CEL: variants seen among roughly 807,000 people sequenced by gnomAD.
CEL encodes the protein bile salt-activated lipase.
CEL carries 39 observed loss-of-function variants against 57.1 expected under a neutral mutation model. The observed-to-expected ratio is 0.68, with a 90% CI of 0.53 to 0.89. CEL has a LOEUF of 0.89. Ranked by LOEUF, CEL falls within the 40% of genes least tolerant of loss-of-function variation. CEL has a pLI of 0.00. For missense variants in CEL, 698 were observed against 915.0 expected (o/e 0.76, Z 3.06); for synonymous variants, 314 against 396.6 (o/e 0.79, Z 2.48).
In CEL at chr9:133,068,709, T is replaced by C. The variant is rs1830219037; in HGVS notation, c.933T>C (p.Ile311=). 3 of 1,608,754 alleles carry C rather than the reference T, an allele frequency of 1.9e-6. No homozygotes were observed. The highest frequency in any genetic ancestry group is 2.5e-6 in the Non-Finnish European group (3 of 1,178,346). Reference sequence around the variant, plus strand: ...ACTATGTGGGCTTCGTCCCTGTCATTGATGGAGACTTCATCCCCGCTGACC... The same window carrying C: ...ACTATGTGGGCTTCGTCCCTGTCATCGATGGAGACTTCATCCCCGCTGACC... ...MLHYVGFVPV[I]DGDFIPADPI... Residue 311 remains isoleucine (I), a synonymous_variant, in exon 8 of 11, where the codon ATT becomes ATC. Coordinates refer to ENST00000372080, the MANE Select transcript of CEL (RefSeq NM_001807.6).
intron 2 of CEL, 42 bp from the exon 3 acceptor site, chr9:133,064,598 G>A (rs1830144450): frequency 3.7e-6 from 6 of 1,613,682 alleles, no homozygotes; most frequent in Non-Finnish European, 5.1e-6. Flanking sequence ...CGGGGCGGGT[G>A]AGGGCGGCTG....
chr9:133,067,431 T>C (rs890004038), intron 7 of CEL, among the ~76,000 whole-genome samples: 44 of 152,058 alleles, frequency 2.9e-4, no homozygotes, highest in African/African-American at 8.9e-4. Flanking sequence ...TGGAGTGCAG[T>C]GTCACGATCT....
chr9:133,066,174 G>A lies in CEL; in HGVS notation c.539-356G>A, dbSNP rs985273275. Among the ~76,000 whole-genome samples the A allele has an allele frequency of 2.6e-5, 4 of 152,136 alleles. No individual in the cohort carries two copies. The highest frequency in any genetic ancestry group is 9.7e-5 in the African/African-American group (4 of 41,416). Reference sequence around the variant, plus strand: ...CAGGACACAGACAGGAGGGACTGGGGCAGGGGCAGGAGAGGTGCATGGGCC... The same window carrying A: ...CAGGACACAGACAGGAGGGACTGGGACAGGGGCAGGAGAGGTGCATGGGCC... On this transcript the variant is annotated intron_variant, in intron 4 of 10. Transcript: ENST00000372080. This position sits in a 1 kb window ranked among gnomAD's most constrained non-coding sequence, Gnocchi z 4.3.
chr9:133,065,224 C>G lies in CEL; in HGVS notation c.525C>G (p.Asp175Glu). Residue 175 changes from aspartate (D) to glutamate (E), a missense_variant, in exon 4 of 11, where the codon GAC becomes GAG. Physicochemically the swap from Asp to Glu is conservative, Grantham distance 45. Transcript: ENST00000372080. ...VGPLGFLSTG[D>E]ANLPGNYGLR... is the part of the protein sequence containing the mutation. ...CCCTTGGGTTCCTCAGCACTGGGGA[C>G]GCCAATCTGCCAGGTGCGTGGGTGC... 1.9e-6 allele frequency: 3 copies of G among 1,613,160 alleles called. No individual in the cohort carries two copies. The highest frequency in any genetic ancestry group is 1.7e-6 in the Non-Finnish European group (2 of 1,179,992).
At chr9:133,067,341 C>A in intron 7 of CEL, 136 bp downstream of exon 7, 1 of 787,098 alleles carries the variant, frequency 1.3e-6, no homozygotes, top group Non-Finnish European at 2.2e-6. Flanking sequence ...TGGTGTCTCC[C>A]CTCGAAGGCC....
intron 4 of CEL, among the ~76,000 whole-genome samples, chr9:133,065,585 C>A (rs1207746364): frequency 6.6e-6 from 1 of 151,924 alleles, no homozygotes; most frequent in Non-Finnish European, 1.5e-5. Flanking sequence ...GGCGGCTCAC[C>A]CCTGTAATCC....
chr9:133,069,471 C>G (rs910378569), intron 9 of CEL, among the ~76,000 whole-genome samples: 25 of 148,302 alleles, frequency 1.7e-4, no homozygotes, highest in Non-Finnish European at 3.0e-4. Flanking sequence ...CTTTACAAAC[C>G]CTATGATCCT....
At chr9:133,069,746 G>T (rs1830234194) in intron 9 of CEL, among the ~76,000 whole-genome samples, 1 of 152,120 alleles carries the variant, frequency 6.6e-6, no homozygotes, top group Non-Finnish European at 1.5e-5. Flanking sequence ...CAAGGTGGGA[G>T]GATCACTTGA....
intron 4 of CEL, among the ~76,000 whole-genome samples, chr9:133,065,582 C>T (rs1489247459): frequency 2.0e-5 from 3 of 152,102 alleles, no homozygotes; most frequent in Non-Finnish European, 4.4e-5. Context: ...CGCGGCGGCT[C>T]ACCCCTGTAA....
intron 7 of CEL, among the ~76,000 whole-genome samples, chr9:133,067,972 A>T (rs1440133640): frequency 6.6e-6 from 1 of 152,224 alleles, no homozygotes; most frequent in Non-Finnish European, 1.5e-5. Context: ...CAGCCTTACC[A>T]GCTTGCTACG....
rs13283110 is a variant in CEL, at chr9:133,071,139, A to G, written c.1637A>G (p.Tyr546Cys). 4.4e-6 allele frequency: 7 copies of G among 1,608,662 alleles called. No homozygotes were observed. The Admixed American group carries it at 8.3e-5, about 19-fold the overall frequency. ...TNFLRYWTLT[Y>C]LALPTVTDQE... ...TTCCTGCGCTACTGGACCCTCACCTATCTGGCGCTGCCCACAGTGACCGAC... is the reference window on the plus strand; with the variant it reads ...TTCCTGCGCTACTGGACCCTCACCTGTCTGGCGCTGCCCACAGTGACCGAC... Residue 546 changes from tyrosine to cysteine, a missense_variant, in exon 11 of 11, where the codon TAT becomes TGT. Coordinates refer to ENST00000372080, the MANE Select transcript of CEL (RefSeq NM_001807.6).
rs181647661 is a variant in CEL, at chr9:133,064,900, G to T, written c.340+138G>T. 98 of 1,538,862 alleles carry T rather than the reference G, an allele frequency of 6.4e-5. 1 individual carries two copies. In the South Asian group the frequency reaches 1.1e-3, roughly 17 times the overall value. On this transcript the variant is annotated intron_variant, in intron 3 of 10. Coordinates refer to ENST00000372080, the MANE Select transcript of CEL (RefSeq NM_001807.6). ...GGCGGGGAGGGGAGCGCCCACTGCC[G>T]TTGCCCAGCCTGGGGCAGGGCAGCG... is the stretch of plus-strand genomic sequence containing the variant.
At chr9:133,063,710 A>G (rs1830128664) in intron 1 of CEL, among the ~76,000 whole-genome samples, 1 of 151,762 alleles carries the variant, frequency 6.6e-6, no homozygotes. Flanking sequence ...ATGAGCACCA[A>G]CCTCCAGGCC....
At position 133,064,585 on chromosome 9, in the gene CEL, C is replaced by T. The variant is rs12351505; in HGVS notation, c.217+31C>T. The T allele has an allele frequency of 1.3e-4, 203 of 1,613,930 alleles. 1 individual carries two copies. In the African/African-American group the frequency reaches 1.7e-3, roughly 14 times the overall value. ...AGTGGGTGGTGCCGGACTGGCCCTG[C>T]GGCGGGGCGGGTGAGGGCGGCTGCC... On this transcript the variant is annotated intron_variant, in intron 2 of 10. Coordinates refer to ENST00000372080, the MANE Select transcript of CEL (RefSeq NM_001807.6).
At chr9:133,063,216 C>T (rs1168848049) in intron 1 of CEL, among the ~76,000 whole-genome samples, 2 of 152,216 alleles carry the variant, frequency 1.3e-5, no homozygotes, top group Non-Finnish European at 2.9e-5. Context: ...CTTGGGCGAG[C>T]TCTTCTTGGG....
At position 133,066,397 on chromosome 9, in the gene CEL, T is replaced by G; in HGVS notation, c.539-133T>G. On this transcript the variant is annotated intron_variant, in intron 4 of 10. Coordinates refer to ENST00000372080, the MANE Select transcript of CEL (RefSeq NM_001807.6). This position sits in a 1 kb window ranked among gnomAD's most constrained non-coding sequence, Gnocchi z 4.3. ...GACCCAGCTTCTTAGGGACCCACCATTTGCCAACTGGGGCTCTGCCATGGC... is the reference window on the plus strand; with the variant it reads ...GACCCAGCTTCTTAGGGACCCACCAGTTGCCAACTGGGGCTCTGCCATGGC... 1 of 1,118,396 alleles carries G rather than the reference T, an allele frequency of 8.9e-7. No homozygotes were observed. The highest frequency in any genetic ancestry group is 1.3e-6 in the Non-Finnish European group (1 of 764,398). The allele number at this position is 1,118,396 out of a possible 1,614,324, so 69.3% of individuals were successfully genotyped here.
In CEL at chr9:133,066,967, T is replaced by TGGGGGGG; in HGVS notation, c.777+25_777+26insGGGGGGG. The TGGGGGGG allele has an allele frequency of 4.3e-6, 2 of 464,388 alleles. No individual in the cohort carries two copies. Among genetic ancestry groups the TGGGGGGG allele is most frequent in the Non-Finnish European group, 8.3e-6 (2 of 240,334 alleles). 28.8% of individuals were successfully genotyped at this position (464,388 alleles called of 1,614,324 possible). ...AAAGGTAAACGGAGGAGGGCAGGGCTGGGCGGGGTGGGGGCTGTCCACATT... is the reference window on the plus strand; with the variant it reads ...AAAGGTAAACGGAGGAGGGCAGGGCTGGGGGGGGGGCGGGGTGGGGGCTGTCCACATT... On this transcript the variant is annotated intron_variant, in intron 6 of 10. Coordinates refer to ENST00000372080, the MANE Select transcript of CEL (RefSeq NM_001807.6). The surrounding 1 kb of genome is among the most constrained non-coding windows in gnomAD (Gnocchi z 4.3).
chr9:133,065,321 A>C, intron 4 of CEL, 84 bp downstream of exon 4: 1 of 1,485,958 alleles, frequency 6.7e-7, no homozygotes, highest in Non-Finnish European at 9.3e-7. Context: ...CCCTCACCCC[A>C]AACAACCAGT....
rs752939664 is a variant in CEL, at chr9:133,065,045, C to T, written c.346C>T (p.Arg116Trp). ...CAGCCGCTCCCCCATCTCAGTCTCC[C>T]GGGACCTGCCCGTTATGATCTGGAT... ...WVPQGRKQVS[R>W]DLPVMIWIYG... The change falls in exon 4 of 11, where the codon CGG becomes TGG. Residue 116 changes from arginine (R) to tryptophan (W), a missense_variant. Physicochemically the swap from Arg to Trp is moderately radical, Grantham distance 101. This residue lies in a region of CEL where 327 missense variants were observed against 374.1 expected (regional missense o/e 0.87). Coordinates refer to ENST00000372080, the MANE Select transcript of CEL (RefSeq NM_001807.6). 25 of 1,613,298 alleles carry T rather than the reference C, an allele frequency of 1.5e-5. No individual in the cohort carries two copies. The highest frequency in any genetic ancestry group is 1.6e-4 in the Middle Eastern group (1 of 6,062).
Sources: allele counts gnomAD v4.1 joint callset (sites outside exome capture counted in the v4.1 genomes callset), GRCh38; gene constraint gnomAD v4.1.1; regional missense constraint gnomAD v4.1.1; non-coding constraint Gnocchi (gnomAD v3.1); transcripts MANE v1.5; gene names NCBI Gene and HGNC (gene_info 2026-07-23, HGNC 2026-07-21).